CEBPZ: variants seen among roughly 807,000 people sequenced by gnomAD.
The protein encoded by CEBPZ is CCAAT enhancer binding protein zeta.
In CEBPZ, 78 loss-of-function variants were observed where a neutral mutation model predicts 104.5. The ratio of observed to expected loss-of-function variants is 0.75; its 90% CI spans 0.62 to 0.90. The LOEUF is 0.90. Ranked by LOEUF, CEBPZ falls within the 40% of genes least tolerant of loss-of-function variation. The pLI is 0.00. For missense variants in CEBPZ, 1,439 were observed against 1,233.5 expected (o/e 1.17, Z -2.50); for synonymous variants, 470 against 427.0 (o/e 1.10, Z -1.24).
At position 37,201,684 on chromosome 2, in the gene CEBPZ, G is replaced by C; in HGVS notation, c.*80C>G. On this transcript the variant is annotated 3_prime_UTR_variant, in exon 16 of 16. Transcript: ENST00000234170. ...GAGAAGTCTGGAATGTATGGAATCA[G>C]AGAGCTAGATCAAAAAACATGGTTG... 2 of 859,992 alleles carry C rather than the reference G, an allele frequency of 2.3e-6. No homozygotes were observed. The highest frequency in any genetic ancestry group is 2.6e-5 in the East Asian group (1 of 37,796). The allele number at this position is 859,992 out of a possible 1,614,324, so 53.3% of individuals were successfully genotyped here. A position where few individuals can be genotyped will look rare whatever the true frequency, so the allele number is the denominator to read the frequency against.
rs1665103205 is a variant in CEBPZ, at chr2:37,231,513, C to T, written c.55G>A (p.Glu19Lys). Residue 19 changes from glutamate to lysine, a missense_variant, in exon 1 of 16, where the codon GAG becomes AAG. Physicochemically the swap from Glu to Lys is moderately conservative, Grantham distance 56 (BLOSUM62 1). Coordinates refer to ENST00000234170, the MANE Select transcript of CEBPZ (RefSeq NM_005760.3). ...EFHAKRPWRP[E>K]EAVEDPDEED... is the part of the protein sequence containing the mutation. ...TCGTCCGGATCTTCTACTGCCTCCT[C>T]GGGGCGCCAAGGCCGCTTGGCATGG... The T allele has an allele frequency of 1.2e-6, 2 of 1,614,232 alleles. No homozygotes were observed. The highest frequency in any genetic ancestry group is 2.2e-5 in the East Asian group (1 of 44,878).
chr2:37,208,263 T>C (rs888884205), intron 13 of CEBPZ, among the ~76,000 whole-genome samples: 3 of 152,242 alleles, frequency 2.0e-5, no homozygotes, highest in South Asian at 2.1e-4. Flanking sequence ...TTCCAAAAGA[T>C]AGGGAAAGAG....
chr2:37,208,544 TATG>T (rs1677614177), intron 13 of CEBPZ, among the ~76,000 whole-genome samples: 1 of 152,024 alleles, frequency 6.6e-6, no homozygotes, highest in South Asian at 2.1e-4. Context: ...ACAAAAATCA[TATG>T]ATCATCTCAA....
In CEBPZ at chr2:37,210,884, C is replaced by T. The variant is rs1677699044; in HGVS notation, c.2884+115G>A. 8 of 414,204 alleles carry T rather than the reference C, an allele frequency of 1.9e-5. No homozygotes were observed. The South Asian group carries it at 4.0e-4, about 21-fold the overall frequency. The allele number at this position is 414,204 out of a possible 1,614,324, so 25.7% of individuals were successfully genotyped here. On this transcript the variant is annotated intron_variant, in intron 13 of 15. Coordinates refer to ENST00000234170, the MANE Select transcript of CEBPZ (RefSeq NM_005760.3). Reference sequence around the variant, plus strand: ...CACTTAACATCTTTCTTAAAAAGAACCCCCCCCACCCCTGAATTTTATTAA... The same window carrying T: ...CACTTAACATCTTTCTTAAAAAGAATCCCCCCCACCCCTGAATTTTATTAA...
chr2:37,206,873 G>A (rs1271684370), intron 13 of CEBPZ, among the ~76,000 whole-genome samples: 2 of 152,048 alleles, frequency 1.3e-5, no homozygotes, highest in Non-Finnish European at 2.9e-5. Flanking sequence ...GATACATTTG[G>A]ACCACCAACC....
chr2:37,216,335 T>C lies in CEBPZ; in HGVS notation c.2292A>G (p.Pro764=). 2.5e-6 allele frequency: 4 copies of C among 1,613,806 alleles called. No individual in the cohort carries two copies. The highest frequency in any genetic ancestry group is 2.5e-6 in the Non-Finnish European group (3 of 1,179,852). The change falls in exon 7 of 16, where the codon CCA becomes CCG. Residue 764 remains proline, a synonymous_variant. Transcript: ENST00000234170. ...GCATACCTTTGCCTTTATGGGGCTT[T>C]GGATTTCGGTATACAAATCGATCCA... The part of the protein sequence containing the change: ...RFLDRFVYRN[P]KPHKGKENTD...
chr2:37,206,920 T>C (rs1247545507), intron 13 of CEBPZ, among the ~76,000 whole-genome samples: 1 of 152,076 alleles, frequency 6.6e-6, no homozygotes, highest in Non-Finnish European at 1.5e-5. Context: ...ACGTAACACA[T>C]AAGGACTCAC....
Position 37,201,691 on chromosome 2 carries a change from A to G in CEBPZ, c.*73T>C. On this transcript the variant is annotated 3_prime_UTR_variant, in exon 16 of 16. Transcript: ENST00000234170. The stretch of plus-strand genomic sequence containing the variant: ...CTGGAATGTATGGAATCAGAGAGCT[A>G]GATCAAAAAACATGGTTGAACAGCA... 1 of 895,448 alleles carries G rather than the reference A, an allele frequency of 1.1e-6. No individual in the cohort carries two copies. Among genetic ancestry groups the G allele is most frequent in the Non-Finnish European group, 1.8e-6 (1 of 547,292 alleles). The allele number at this position is 895,448 out of a possible 1,614,324, so 55.5% of individuals were successfully genotyped here.
intron 1 of CEBPZ, among the ~76,000 whole-genome samples, chr2:37,229,338 A>G (rs763007392): frequency 6.6e-6 from 1 of 152,234 alleles, no homozygotes; most frequent in Non-Finnish European, 1.5e-5. Context: ...ATCCCTTAAT[A>G]TAAGTTTCTA....
Position 37,211,075 on chromosome 2 carries a change from T to C in CEBPZ, c.2808A>G (p.Glu936=), listed in dbSNP as rs770117185. 6.2e-7 allele frequency: 1 copy of C among 1,605,328 alleles called. No homozygotes were observed. The highest frequency in any genetic ancestry group is 8.5e-7 in the Non-Finnish European group (1 of 1,177,394). Residue 936 remains glutamate, a synonymous_variant, in exon 13 of 16, where the codon GAA becomes GAG. Coordinates refer to ENST00000234170, the MANE Select transcript of CEBPZ (RefSeq NM_005760.3). ...DDESESVPEL[E]VHSKVSTKKS... is the part of the protein sequence containing the mutation. ...TCTTAGTACTGACTTTGGAGTGGACTTCAAGTTCTGTTACACGAAAAAATT... is the reference window on the plus strand; with the variant it reads ...TCTTAGTACTGACTTTGGAGTGGACCTCAAGTTCTGTTACACGAAAAAATT...
At chr2:37,217,088 TAC>T in intron 5 of CEBPZ, 51 bp from the exon 6 acceptor site, 1 of 1,457,230 alleles carries the variant, frequency 6.9e-7, no homozygotes, top group Non-Finnish European at 9.6e-7. Context: ...CGACTCTTAG[TAC>T]ATTTATAGCT....
intron 1 of CEBPZ, among the ~76,000 whole-genome samples, chr2:37,230,089 A>G (rs897925897): frequency 1.3e-5 from 2 of 152,238 alleles, no homozygotes; most frequent in Admixed American, 6.5e-5. Context: ...ATAGTGAAAG[A>G]CTGGCAATAA....
intron 1 of CEBPZ, 21 bp downstream of exon 1, chr2:37,231,391 C>T (rs778436469): frequency 1.2e-6 from 2 of 1,613,582 alleles, no homozygotes; most frequent in East Asian, 2.2e-5. Flanking sequence ...GATCCCGTTC[C>T]CCGGAGCCCG....
rs1677744447 is a variant in CEBPZ at position 37,212,258 on chromosome 2, C to T, written c.2603+77G>A. ...TACATTTCCCCTTTATCATATAGTT[C>T]TGTGGTCTACTGTTCTGAGGGACAA... On this transcript the variant is annotated intron_variant, in intron 11 of 15. Transcript: ENST00000234170. 15 of 1,286,964 alleles carry T rather than the reference C, an allele frequency of 1.2e-5. No homozygotes were observed. The South Asian group carries it at 1.3e-4, about 11-fold the overall frequency. The allele number at this position is 1,286,964 out of a possible 1,614,324, so 79.7% of individuals were successfully genotyped here. A position where few individuals can be genotyped will look rare whatever the true frequency, so the allele number is the denominator to read the frequency against.
intron 11 of CEBPZ, 128 bp from the exon 12 acceptor site, chr2:37,212,167 A>G: frequency 2.0e-6 from 2 of 984,328 alleles, no homozygotes; most frequent in Non-Finnish European, 3.0e-6. Context: ...GCTCAGAGTA[A>G]ATAATAACGT....
At position 37,228,778 on chromosome 2, in the gene CEBPZ, C is replaced by G; in HGVS notation, c.415G>C (p.Val139Leu). The change falls in exon 2 of 16, where the codon GTG (valine) becomes CTG (leucine). Residue 139 changes from valine to leucine, a missense_variant. Physicochemically the swap from Val to Leu is conservative, Grantham distance 32. Coordinates refer to ENST00000234170, the MANE Select transcript of CEBPZ (RefSeq NM_005760.3). ...AESQRTSVNK[V>L]KNKNRPEPHS... ...GGTTCTGGCCTATTCTTATTTTTCA[C>G]CTTATTAACTGATGTCCTTTGACTT... 1 of 1,613,476 alleles carries G rather than the reference C, an allele frequency of 6.2e-7. No individual in the cohort carries two copies. The highest frequency in any genetic ancestry group is 1.3e-5 in the African/African-American group (1 of 74,988).
chr2:37,212,867 C>CAAA (rs749522819), intron 10 of CEBPZ, among the ~76,000 whole-genome samples: 12 of 117,242 alleles, frequency 1.0e-4, no homozygotes, highest in Admixed American at 9.7e-4. Context: ...ACAACAACAA[C>CAAA]AAAAAAAAAA....
chr2:37,231,342 G>A, intron 1 of CEBPZ, 70 bp downstream of exon 1: 1 of 1,591,194 alleles, frequency 6.3e-7, no homozygotes, highest in Admixed American at 1.7e-5. Flanking sequence ...GGAAGCGGCG[G>A]GGCAGTCAGC....
At position 37,206,516 on chromosome 2, in the gene CEBPZ, C is replaced by T. The variant is rs537636118; in HGVS notation, c.2885-3508G>A. Among the ~76,000 whole-genome samples the T allele has an allele frequency of 1.6e-4, 25 of 152,304 alleles. No homozygotes were observed. In the South Asian group the frequency reaches 4.6e-3, roughly 28 times the overall value. On this transcript the variant is annotated intron_variant, in intron 13 of 15. Coordinates refer to ENST00000234170, the MANE Select transcript of CEBPZ (RefSeq NM_005760.3). ...GGGATTATAGGGGCTTACCAACATGCCCAGCTAATTTTTGTATTTTTTGTA... is the reference window on the plus strand; with the variant it reads ...GGGATTATAGGGGCTTACCAACATGTCCAGCTAATTTTTGTATTTTTTGTA...
Sources: gnomAD v4.1 joint callset for allele counts (sites outside exome capture counted in the v4.1 genomes callset) on GRCh38, gnomAD v4.1.1 for gene constraint, MANE v1.5 for transcripts, NCBI Gene and HGNC (gene_info 2026-07-23, HGNC 2026-07-21) for gene names.